TXNRD1: variants seen among roughly 807,000 people sequenced by gnomAD.
TXNRD1 encodes the protein thioredoxin reductase 1.
In TXNRD1, 57 loss-of-function variants were observed where a neutral mutation model predicts 80.3. The observed-to-expected ratio is 0.71, with a 90% confidence interval of 0.57 to 0.89. The LOEUF is 0.89. Ranked by LOEUF, TXNRD1 falls within the 40% of genes least tolerant of loss-of-function variation. The pLI is 0.00. For synonymous variants in TXNRD1, 291 were observed against 285.2 expected (o/e 1.02, Z -0.20); for missense variants, 730 against 803.0 (o/e 0.91, Z 1.10).
chr12:104,297,112 T>C (rs1465582524), intron 4 of TXNRD1, among the ~76,000 whole-genome samples: 1 of 151,982 alleles, frequency 6.6e-6, no homozygotes, highest in Non-Finnish European at 1.5e-5. Context: ...GAGACTGACC[T>C]GGCCAACATG....
At chr12:104,332,393 G>A (rs1459688142) in intron 14 of TXNRD1, among the ~76,000 whole-genome samples, 1 of 151,968 alleles carries the variant, frequency 6.6e-6, no homozygotes, top group Non-Finnish European at 1.5e-5. Context: ...ACATGCACTG[G>A]TAGTAGCATG....
chr12:104,298,616 C>T (rs982805380), intron 4 of TXNRD1, among the ~76,000 whole-genome samples: 14 of 151,930 alleles, frequency 9.2e-5, no homozygotes, highest in African/African-American at 2.9e-4. Context: ...CCCAGCTACT[C>T]GGGAGGCTGA....
At chr12:104,327,037 A>G (rs1365199262) in intron 12 of TXNRD1, among the ~76,000 whole-genome samples, 2 of 145,168 alleles carry the variant, frequency 1.4e-5, no homozygotes, top group Non-Finnish European at 3.0e-5. Context: ...TTTGGCCTCT[A>G]GTGATCTACC....
Position 104,303,794 on chromosome 12 carries a change from G to A in TXNRD1, c.415-7496G>A, listed in dbSNP as rs535508296. The A allele has an allele frequency of 9.9e-5, 131 of 1,326,602 alleles. 1 individual carries two copies. The South Asian group carries it at 1.9e-3, about 20-fold the overall frequency. The allele number at this position is 1,326,602 out of a possible 1,614,324, so 82.2% of individuals were successfully genotyped here. ...CCACTTTCCACACGCTGGGAGGGCCGTTACCTCAGAGATACCCGTGGCCGG... is the reference window on the plus strand; with the variant it reads ...CCACTTTCCACACGCTGGGAGGGCCATTACCTCAGAGATACCCGTGGCCGG... On this transcript the variant is annotated intron_variant, in intron 4 of 16. Transcript: ENST00000525566.
chr12:104,259,386 CACA>C (rs765655217), intron 3 of TXNRD1, among the ~76,000 whole-genome samples: 1 of 150,900 alleles, frequency 6.6e-6, no homozygotes, highest in Non-Finnish European at 1.5e-5. Context: ...GTCTCAGAAC[CACA>C]ACAACAACAA....
At chr12:104,297,547 T>A (rs186813584) in intron 4 of TXNRD1, among the ~76,000 whole-genome samples, 5 of 151,994 alleles carry the variant, frequency 3.3e-5, no homozygotes, top group African/African-American at 9.6e-5. Context: ...GTATTTTTAG[T>A]AGAGACAAGA....
intron 1 of TXNRD1, among the ~76,000 whole-genome samples, chr12:104,242,037 A>G (rs1336660125): frequency 7.2e-6 from 1 of 138,606 alleles, no homozygotes; most frequent in Non-Finnish European, 1.5e-5. Context: ...TCCCTGGTTC[A>G]AGCAATTTCC....
At chr12:104,261,115 AC>A (rs1478212186) in intron 3 of TXNRD1, among the ~76,000 whole-genome samples, 1 of 146,300 alleles carries the variant, frequency 6.8e-6, no homozygotes, top group Admixed American at 6.7e-5. Flanking sequence ...TTATGAATTG[AC>A]TTTTGTCCCG....
intron 13 of TXNRD1, among the ~76,000 whole-genome samples, chr12:104,328,553 G>A (rs563483566): frequency 1.3e-5 from 2 of 152,098 alleles, no homozygotes; most frequent in Non-Finnish European, 2.9e-5. Flanking sequence ...TCAGGAGATT[G>A]AGACCATTCT....
chr12:104,266,220 C>T (rs2033481998), intron 3 of TXNRD1, among the ~76,000 whole-genome samples: 1 of 152,042 alleles, frequency 6.6e-6, no homozygotes, highest in South Asian at 2.1e-4. Flanking sequence ...GTTCATTTTC[C>T]TCATGGGATA....
intron 1 of TXNRD1, among the ~76,000 whole-genome samples, chr12:104,223,203 T>G (rs1393129441): frequency 6.6e-6 from 1 of 152,218 alleles, no homozygotes; most frequent in Non-Finnish European, 1.5e-5. Flanking sequence ...ATTCTACTTT[T>G]TCAAGTATGT....
Position 104,294,033 on chromosome 12 carries a change from C to T in TXNRD1, c.414+4993C>T, listed in dbSNP as rs183288988. Among the ~76,000 whole-genome samples, 314 of 152,254 alleles carry T rather than the reference C, an allele frequency of 2.1e-3. 1 individual carries two copies. Among genetic ancestry groups the T allele is most frequent in the South Asian group, 4.6e-3 (22 of 4,808 alleles). On this transcript the variant is annotated intron_variant, in intron 4 of 16. Coordinates refer to ENST00000525566, the MANE Select transcript of TXNRD1 (RefSeq NM_001093771.3). ...ACATCAGGGACTATTAGTATTTTCA[C>T]TAATTTACTACTGCTGTCTGGAAGG...
intron 1 of TXNRD1, among the ~76,000 whole-genome samples, chr12:104,250,910 T>C (rs571012023): frequency 8.3e-4 from 126 of 152,308 alleles, no homozygotes; most frequent in Non-Finnish European, 1.3e-3. Flanking sequence ...GACAGTGCTG[T>C]CATGTGGGAA....
intron 2 of TXNRD1, among the ~76,000 whole-genome samples, chr12:104,253,297 C>T (rs185213797): frequency 1.8e-4 from 27 of 152,250 alleles, no homozygotes; most frequent in African/African-American, 4.1e-4. Context: ...CATTCTGCAT[C>T]GATGCCACCT....
rs2034075896 is a variant in TXNRD1, at chr12:104,288,921, T to G, written c.305-10T>G. ...CCTTACACGCTCCGCTCTGCTTTTG[T>G]GCCACACAGAGGACGGTCGGGCCCT... On this transcript the variant is annotated splice_polypyrimidine_tract_variant and intron_variant, in intron 3 of 16. Coordinates refer to ENST00000525566, the MANE Select transcript of TXNRD1 (RefSeq NM_001093771.3). The G allele has an allele frequency of 6.2e-7, 1 of 1,613,964 alleles. No individual in the cohort carries two copies. The highest frequency in any genetic ancestry group is 8.5e-7 in the Non-Finnish European group (1 of 1,179,874).
At chr12:104,282,180 C>A (rs2033893009) in intron 3 of TXNRD1, among the ~76,000 whole-genome samples, 1 of 152,286 alleles carries the variant, frequency 6.6e-6, no homozygotes, top group Admixed American at 6.5e-5. Flanking sequence ...CAAGAAAGTT[C>A]TTTGGGACTA....
intron 15 of TXNRD1, among the ~76,000 whole-genome samples, chr12:104,337,781 A>G (rs928074000): frequency 1.3e-5 from 2 of 151,678 alleles, no homozygotes; most frequent in African/African-American, 4.8e-5. Context: ...TACTTTTAAA[A>G]TTTTATTTGT....
chr12:104,227,551 G>A (rs1056809162), intron 1 of TXNRD1, among the ~76,000 whole-genome samples: 1 of 152,148 alleles, frequency 6.6e-6, no homozygotes, highest in African/African-American at 2.4e-5. Flanking sequence ...ACAGGTGGGA[G>A]CCACCGTGTC....
chr12:104,263,414 G>A (rs1320288853), intron 3 of TXNRD1, among the ~76,000 whole-genome samples: 2 of 152,120 alleles, frequency 1.3e-5, no homozygotes, highest in African/African-American at 2.4e-5. Flanking sequence ...TATCATGATA[G>A]GTGTTCCTAG....
Sources: gnomAD v4.1 joint callset for allele counts (sites outside exome capture counted in the v4.1 genomes callset) on GRCh38, gnomAD v4.1.1 for gene constraint, MANE v1.5 for transcripts, NCBI Gene and HGNC (gene_info 2026-07-23, HGNC 2026-07-21) for gene names.